SPAG17: variants seen among roughly 807,000 people sequenced by gnomAD.
SPAG17 encodes sperm-associated antigen 17.
SPAG17 carries 169 observed loss-of-function variants against 273.6 expected under a neutral mutation model. That is an observed-to-expected ratio of 0.62 (90% CI 0.55 to 0.70). The LOEUF (loss-of-function observed/expected upper bound fraction) is 0.70, where lower values mean the gene tolerates loss of function less well. SPAG17 is among the 30% of genes least tolerant of loss of function. The probability of loss-of-function intolerance (pLI) is 0.00; values close to 1 mark genes in which losing one functional copy is unlikely to be tolerated. For missense variants in SPAG17, 2,557 were observed against 2,627.8 expected (o/e 0.97, Z 0.59); for synonymous variants, 825 against 873.2 (o/e 0.94, Z 0.97).
At chr1:117,982,575 GAGAGAAACACTACA>G (rs1458901638) in intron 42 of SPAG17, among the ~76,000 whole-genome samples, 1 of 152,098 alleles carries the variant, frequency 6.6e-6, no homozygotes, top group African/African-American at 2.4e-5. Flanking sequence ...CAGTTTACTA[GAGAGAAACACTACA>G]TTTTATTTCA....
chr1:117,983,860 A>C lies in SPAG17; in HGVS notation c.5823T>G (p.Asn1941Lys). ...GAACAGCTGTTTCGTTTGCATCTTC[A>C]TTTTTCTTTGTAAAAGAAGGCAGTT... ...SKKLPSFTKK[N>K]EDANETAVQD... is the part of the protein sequence containing the mutation. The change falls in exon 42 of 49, where the codon AAT becomes AAG. Residue 1941 changes from asparagine to lysine, a missense_variant. Asn to Lys is a moderately conservative substitution (Grantham distance 94, BLOSUM62 0). Coordinates refer to ENST00000336338, the MANE Select transcript of SPAG17 (RefSeq NM_206996.4). 1 of 1,612,924 alleles carries C rather than the reference A, an allele frequency of 6.2e-7. No individual in the cohort carries two copies. The highest frequency in any genetic ancestry group is 1.7e-5 in the Admixed American group (1 of 59,970).
rs780030046 is a variant in SPAG17 at position 118,023,329 on chromosome 1, T to C, written c.4044A>G (p.Pro1348=). The C allele has an allele frequency of 1.2e-6, 2 of 1,611,730 alleles. No individual in the cohort carries two copies. Among genetic ancestry groups the C allele is most frequent in the Non-Finnish European group, 1.7e-6 (2 of 1,178,590 alleles). ...CTTTCTTTGTGTTGGTAATCTCAGA[T>C]GGTATCGTTTCTGATTTCTGCTGAG... is the stretch of plus-strand genomic sequence containing the variant. ...SISQQKSETI[P]SEITNTKKGK... is the part of the protein sequence containing the mutation. The change falls in exon 28 of 49, where the codon CCA becomes CCG. Residue 1348 remains proline (P), a synonymous_variant. Coordinates refer to ENST00000336338, the MANE Select transcript of SPAG17 (RefSeq NM_206996.4).
chr1:118,074,797 C>G (rs764727920), intron 15 of SPAG17, among the ~76,000 whole-genome samples, 197 bp from the exon 16 acceptor site: 1 of 152,254 alleles, frequency 6.6e-6, no homozygotes, highest in Non-Finnish European at 1.5e-5. Context: ...AAAAATTATA[C>G]TAAGCTCTTT....
At chr1:118,016,720 G>C (rs886765882) in intron 28 of SPAG17, among the ~76,000 whole-genome samples, 1 of 152,098 alleles carries the variant, frequency 6.6e-6, no homozygotes, top group African/African-American at 2.4e-5. Context: ...CATATCCCTG[G>C]GGAGAGGAGT....
chr1:118,131,861 T>G (rs1198611349), intron 3 of SPAG17, among the ~76,000 whole-genome samples: 1 of 152,216 alleles, frequency 6.6e-6, no homozygotes, highest in Non-Finnish European at 1.5e-5. Context: ...CCTCTTTTCA[T>G]GAACTGTTGA....
At chr1:118,102,335 G>A (rs1308303620) in intron 4 of SPAG17, among the ~76,000 whole-genome samples, 1 of 151,592 alleles carries the variant, frequency 6.6e-6, no homozygotes, top group Non-Finnish European at 1.5e-5. Flanking sequence ...AGAGAGGTGG[G>A]GTTGGTTATT....
In SPAG17 at chr1:118,150,551, AT is replaced by A; in HGVS notation, c.306del (p.Leu102PhefsTer6). ...AKKPVGGNAPLYYEVLTAAKA... is the reference protein window; with the variant it reads ...AKKPVGGNAPXYYEVLTAAKA... Reference sequence around the variant, plus strand: ...TAAACACTTTCACTTACCTCATAATATAAAGGAGCATTACCACCTACAGGTT... The same window carrying A: ...TAAACACTTTCACTTACCTCATAATAAAAGGAGCATTACCACCTACAGGTT... On this transcript the variant is annotated frameshift_variant, in exon 3 of 49. Coordinates refer to ENST00000336338, the MANE Select transcript of SPAG17 (RefSeq NM_206996.4). LOFTEE classifies it high-confidence loss of function. 2 of 1,558,154 alleles carry A rather than the reference AT, an allele frequency of 1.3e-6. No homozygotes were observed. Among genetic ancestry groups the A allele is most frequent in the Non-Finnish European group, 1.8e-6 (2 of 1,137,256 alleles).
intron 15 of SPAG17, 43 bp downstream of exon 15, chr1:118,081,058 T>C (rs368667588): frequency 8.2e-7 from 1 of 1,213,170 alleles, no homozygotes; most frequent in Non-Finnish European, 1.2e-6. Flanking sequence ...AATAGTGTCT[T>C]ACACACACAC....
intron 32 of SPAG17, among the ~76,000 whole-genome samples, chr1:118,004,523 G>A (rs201249704): frequency 3.9e-5 from 6 of 152,288 alleles, no homozygotes; most frequent in African/African-American, 9.6e-5. Context: ...CAGCAATGGC[G>A]GACCCCCTCC....
At chr1:118,049,644 T>G (rs894801404) in intron 20 of SPAG17, among the ~76,000 whole-genome samples, 1 of 152,198 alleles carries the variant, frequency 6.6e-6, no homozygotes, top group Non-Finnish European at 1.5e-5. Flanking sequence ...AAAATTCCAA[T>G]GTCATCTTTT....
At chr1:118,064,912 T>C (rs1557977784) in intron 18 of SPAG17, among the ~76,000 whole-genome samples, 1 of 151,894 alleles carries the variant, frequency 6.6e-6, no homozygotes, top group Non-Finnish European at 1.5e-5. Context: ...AATCACAAGA[T>C]AGGATTTTAA....
chr1:118,099,028 C>G (rs1655892174), intron 6 of SPAG17, among the ~76,000 whole-genome samples: 1 of 152,134 alleles, frequency 6.6e-6, no homozygotes, highest in Non-Finnish European at 1.5e-5. Context: ...TATACAGTGG[C>G]TTTTTGCTTC....
intron 1 of SPAG17, among the ~76,000 whole-genome samples, chr1:118,175,177 C>T (rs1247187296): frequency 3.3e-5 from 5 of 152,144 alleles, no homozygotes; most frequent in Non-Finnish European, 7.4e-5. Context: ...ACTACAGGCA[C>T]GCACCACCAC....
chr1:118,051,511 A>G (rs1330792911), intron 20 of SPAG17, among the ~76,000 whole-genome samples: 1 of 148,438 alleles, frequency 6.7e-6, no homozygotes, highest in South Asian at 2.1e-4. Context: ...GCTTACATCC[A>G]TCAACAGATA....
chr1:118,123,367 T>C (rs992445666), intron 3 of SPAG17, among the ~76,000 whole-genome samples: 1 of 152,016 alleles, frequency 6.6e-6, no homozygotes, highest in Non-Finnish European at 1.5e-5. Context: ...GAGGGGGCTA[T>C]GGAGAGAAAC....
At chr1:118,127,926 A>G (rs763153074) in intron 3 of SPAG17, among the ~76,000 whole-genome samples, 2 of 152,086 alleles carry the variant, frequency 1.3e-5, no homozygotes, top group Admixed American at 6.5e-5. Flanking sequence ...GACTGCGACA[A>G]TCCTGGCCAA....
At chr1:118,023,247 T>C in intron 28 of SPAG17, 57 bp downstream of exon 28, 1 of 1,364,192 alleles carries the variant, frequency 7.3e-7, no homozygotes, top group South Asian at 1.4e-5. Flanking sequence ...TGAACACTTA[T>C]TAAGCCCTTG....
chr1:117,992,192 A>C (rs1657169057), intron 36 of SPAG17, among the ~76,000 whole-genome samples: 1 of 152,192 alleles, frequency 6.6e-6, no homozygotes, highest in South Asian at 2.1e-4. Flanking sequence ...TCAGTTTTCT[A>C]TACAGTGACA....
At position 118,012,356 on chromosome 1, in the gene SPAG17, T is replaced by C. The variant is rs774616244; in HGVS notation, c.4304A>G (p.Glu1435Gly). 2 of 1,613,260 alleles carry C rather than the reference T, an allele frequency of 1.2e-6. No individual in the cohort carries two copies. The highest frequency in any genetic ancestry group is 8.5e-7 in the Non-Finnish European group (1 of 1,179,612). The change falls in exon 30 of 49, where the codon GAA becomes GGA. Residue 1435 changes from glutamate (E) to glycine (G), a missense_variant. Coordinates refer to ENST00000336338, the MANE Select transcript of SPAG17 (RefSeq NM_206996.4). Reference protein sequence around the residue: ...PVNGTVMTTREDKVVIVERKD... With the variant: ...PVNGTVMTTRGDKVVIVERKD... ...CCTTTCAACTATGACAACTTTGTCT[T>C]CTCGAGTTGTCATAACCTGAACATG...
Sources: gnomAD v4.1 joint callset for allele counts (sites outside exome capture counted in the v4.1 genomes callset) on GRCh38, gnomAD v4.1.1 for gene constraint, MANE v1.5 for transcripts, NCBI Gene and HGNC (gene_info 2026-07-23, HGNC 2026-07-21) for gene names.